ADGRV1: variants seen among roughly 807,000 people sequenced by gnomAD.
ADGRV1 encodes adhesion G protein-coupled receptor V1.
A neutral mutation model predicts 596.2 loss-of-function variants in ADGRV1; 359 were observed. The ratio of observed to expected loss-of-function variants is 0.60; its 90% confidence interval spans 0.55 to 0.66. The LOEUF is 0.66. Among genes scored for constraint, ADGRV1 ranks in the 30% least tolerant of loss-of-function variants. ADGRV1 has a pLI of 0.00. For synonymous variants in ADGRV1, 2,681 were observed against 2,679.2 expected (o/e 1.00, Z -0.02); for missense variants, 7,274 against 7,575.6 (o/e 0.96, Z 1.48).
At chr5:90,870,661 C>A (rs762918108) in intron 83 of ADGRV1, among the ~76,000 whole-genome samples, 14 of 152,080 alleles carry the variant, frequency 9.2e-5, no homozygotes, top group Non-Finnish European at 2.1e-4. Flanking sequence ...CCAGACCACA[C>A]CTGTGAAGTT....
intron 85 of ADGRV1, among the ~76,000 whole-genome samples, chr5:91,034,614 G>A (rs1784724171): frequency 6.6e-6 from 1 of 152,122 alleles, no homozygotes; most frequent in African/African-American, 2.4e-5. Context: ...TCGAATTTCT[G>A]CTTTCCCTGT....
intron 64 of ADGRV1, 48 bp downstream of exon 64, chr5:90,779,145 AAG>A (rs555819567): frequency 5.3e-6 from 6 of 1,127,154 alleles, no homozygotes; most frequent in South Asian, 4.0e-5. Flanking sequence ...AGCAGAGAGA[AAG>A]AGAGAAAGTT....
At chr5:90,812,927 C>T (rs551372828) in intron 74 of ADGRV1, among the ~76,000 whole-genome samples, 7 of 151,422 alleles carry the variant, frequency 4.6e-5, no homozygotes, top group East Asian at 1.9e-4. Flanking sequence ...GTCAGGAGAT[C>T]GAGACCATCC....
At position 90,840,934 on chromosome 5, in the gene ADGRV1, C is replaced by T; in HGVS notation, c.16968C>T (p.Ala5656=). 1 of 1,498,470 alleles carries T rather than the reference C, an allele frequency of 6.7e-7. No homozygotes were observed. The highest frequency in any genetic ancestry group is 1.5e-5 in the South Asian group (1 of 67,262). The allele number at this position is 1,498,470 out of a possible 1,614,324, so 92.8% of individuals were successfully genotyped here. The change falls in exon 78 of 90, where the codon GCC becomes GCT. Residue 5656 remains alanine (A), a synonymous_variant. Transcript: ENST00000405460. The part of the protein sequence containing the change: ...RVLHTISMKV[A]TENTDEQLSA... ...TCCATACCATCAGCATGAAAGTGGC[C>T]ACAGAAAACACAGATGAACAACTCA... is the stretch of plus-strand genomic sequence containing the variant.
At chr5:90,913,323 A>T (rs1183862261) in intron 83 of ADGRV1, among the ~76,000 whole-genome samples, 2 of 152,216 alleles carry the variant, frequency 1.3e-5, no homozygotes, top group Non-Finnish European at 2.9e-5. Context: ...TATGAATTTC[A>T]CATCTGGCCC....
chr5:90,725,542 C>T lies in ADGRV1; in HGVS notation c.10054-7C>T. ...TTTAAGTTTTCATTCCCACTCTGTCCTTGCAGGTACAAACAATCATTATTC... is the reference window on the plus strand; with the variant it reads ...TTTAAGTTTTCATTCCCACTCTGTCTTTGCAGGTACAAACAATCATTATTC... On this transcript the variant is annotated splice_polypyrimidine_tract_variant and splice_region_variant and intron_variant, in intron 47 of 89. Coordinates refer to ENST00000405460, the MANE Select transcript of ADGRV1 (RefSeq NM_032119.4). 7.1e-7 allele frequency: 1 copy of T among 1,409,548 alleles called. No individual in the cohort carries two copies. 87.3% of individuals were successfully genotyped at this position (1,409,548 alleles called of 1,614,324 possible). A position where few individuals can be genotyped will look rare whatever the true frequency, so the allele number is the denominator to read the frequency against.
chr5:91,079,422 A>G (rs568020287), intron 86 of ADGRV1, among the ~76,000 whole-genome samples: 1 of 152,308 alleles, frequency 6.6e-6, no homozygotes, highest in East Asian at 1.9e-4. Flanking sequence ...TCGAAGATTC[A>G]TATCAGAAAT....
At position 90,820,579 on chromosome 5, in the gene ADGRV1, C is replaced by T. The variant is rs1188544875; in HGVS notation, c.16197-2846C>T. On this transcript the variant is annotated intron_variant, in intron 75 of 89. Coordinates refer to ENST00000405460, the MANE Select transcript of ADGRV1 (RefSeq NM_032119.4). ...CGGTTGTTCCTTTCCATGTTTAGTGCTTGCTTCAGGAGCTCTTTTAGGGCA... is the reference window on the plus strand; with the variant it reads ...CGGTTGTTCCTTTCCATGTTTAGTGTTTGCTTCAGGAGCTCTTTTAGGGCA... Among the ~76,000 whole-genome samples, 3 of 151,846 alleles carry T rather than the reference C, an allele frequency of 2.0e-5. No individual in the cohort carries two copies. The East Asian group carries it at 5.8e-4, about 30-fold the overall frequency.
At chr5:91,079,539 A>G (rs984021327) in intron 86 of ADGRV1, among the ~76,000 whole-genome samples, 4 of 152,350 alleles carry the variant, frequency 2.6e-5, no homozygotes, top group Non-Finnish European at 5.9e-5. Flanking sequence ...TCCTAGAACA[A>G]TAACATCAGG....
Position 90,790,917 on chromosome 5 carries a change from T to A in ADGRV1, c.14088T>A (p.Phe4696Leu), listed in dbSNP as rs1431196841. 6.2e-7 allele frequency: 1 copy of A among 1,611,984 alleles called. No homozygotes were observed. ...LSSEFDITEDFLSTSGFFTIA... is the reference protein window; with the variant it reads ...LSSEFDITEDLLSTSGFFTIA... ...GTGAGTTTGACATTACTGAAGACTT[T>A]CTTTCCACCAGTGGATTTTTCACCA... The change falls in exon 70 of 90, where the codon TTT becomes TTA. Residue 4696 changes from phenylalanine (F) to leucine (L), a missense_variant. Physicochemically the swap from Phe to Leu is conservative, Grantham distance 22. Around this residue, in one of 5 missense-constraint regions of ADGRV1, gnomAD observed 1,874 missense variants for 1,970.2 expected, o/e 0.95. Coordinates refer to ENST00000405460, the MANE Select transcript of ADGRV1 (RefSeq NM_032119.4).
intron 50 of ADGRV1, among the ~76,000 whole-genome samples, chr5:90,734,650 A>G (rs554442354): frequency 1.4e-5 from 2 of 143,746 alleles, no homozygotes; most frequent in South Asian, 4.3e-4. Context: ...CAGTGGTGCA[A>G]TCTCAGCTCA....
chr5:91,069,058 A>T (rs1160765889), intron 85 of ADGRV1, among the ~76,000 whole-genome samples: 2 of 152,210 alleles, frequency 1.3e-5, no homozygotes, highest in Non-Finnish European at 2.9e-5. Context: ...TCTCTATTCA[A>T]TAAATGGTGC....
In ADGRV1 at chr5:90,841,457, A is replaced by C. The variant is rs1347084406; in HGVS notation, c.17019+472A>C. On this transcript the variant is annotated intron_variant, in intron 78 of 89. Coordinates refer to ENST00000405460, the MANE Select transcript of ADGRV1 (RefSeq NM_032119.4). ...GTCCTCACGGGCACTGAAAACTTTC[A>C]CAGAAAAGAAAAATTAAGAAATGAC... is the stretch of plus-strand genomic sequence containing the variant. Among the ~76,000 whole-genome samples, 3 of 152,222 alleles carry C rather than the reference A, an allele frequency of 2.0e-5. No homozygotes were observed. The South Asian group carries it at 6.2e-4, about 32-fold the overall frequency.
chr5:90,929,336 G>C (rs1005864020), intron 83 of ADGRV1: 1 of 153,514 alleles, frequency 6.5e-6, no homozygotes, highest in Non-Finnish European at 1.4e-5. Flanking sequence ...ATCTTGTGGT[G>C]CGTCGTGTTT....
At chr5:90,580,193 T>C (rs536508071) in intron 1 of ADGRV1, among the ~76,000 whole-genome samples, 1 of 152,324 alleles carries the variant, frequency 6.6e-6, no homozygotes, top group East Asian at 1.9e-4. Flanking sequence ...ATTGATGCAG[T>C]TTCTTCACAG....
intron 87 of ADGRV1, among the ~76,000 whole-genome samples, chr5:91,143,668 A>G (rs1313511296): frequency 2.6e-5 from 4 of 152,150 alleles, no homozygotes; most frequent in Non-Finnish European, 5.9e-5. Context: ...GCCTAGAAAA[A>G]GCACCATAAG....
At chr5:90,621,625 C>T (rs1156358390) in intron 4 of ADGRV1, among the ~76,000 whole-genome samples, 2 of 152,132 alleles carry the variant, frequency 1.3e-5, no homozygotes, top group Non-Finnish European at 2.9e-5. Flanking sequence ...TTGTTGTTGA[C>T]ATTATATATC....
At chr5:90,631,485 A>G (rs942645559) in intron 9 of ADGRV1, among the ~76,000 whole-genome samples, 7 of 152,028 alleles carry the variant, frequency 4.6e-5, no homozygotes, top group Non-Finnish European at 1.0e-4. Flanking sequence ...AGAGGGAGGC[A>G]TTTGCCATCT....
intron 9 of ADGRV1, 61 bp from the exon 10 acceptor site, chr5:90,635,052 CT>C (rs1323411434): frequency 5.3e-6 from 6 of 1,139,718 alleles, no homozygotes; most frequent in Non-Finnish European, 7.6e-6. Context: ...TGCTGTTAAG[CT>C]TTTTTAAAAA....
Sources: gnomAD v4.1 joint callset for allele counts (sites outside exome capture counted in the v4.1 genomes callset) on GRCh38, gnomAD v4.1.1 for gene constraint, gnomAD v4.1.1 regional missense constraint, MANE v1.5 for transcripts, NCBI Gene and HGNC (gene_info 2026-07-23, HGNC 2026-07-21) for gene names.